The following LRMDA variants were observed in gnomAD, a reference collection of about 807,000 sequenced individuals.
LRMDA encodes the protein leucine-rich melanocyte differentiation-associated protein.
LRMDA carries 18 observed loss-of-function variants against 29.8 expected under a neutral mutation model. The ratio of observed to expected loss-of-function variants is 0.60; its 90% CI spans 0.42 to 0.90. The LOEUF (loss-of-function observed/expected upper bound fraction) is 0.90, where lower values mean the gene tolerates loss of function less well. Ranked by LOEUF, LRMDA falls within the 40% of genes least tolerant of loss-of-function variation. LRMDA has a pLI of 0.00. For missense variants in LRMDA, 273 were observed against 273.9 expected, an observed-to-expected ratio of 1.00 and a Z score of 0.02; for synonymous variants, 125 against 109.4, an observed-to-expected ratio of 1.14 and a Z score of -0.89.
intron 6 of LRMDA, chr10:76,433,818 T>G (rs1376482720): frequency 6.6e-6 from 1 of 152,158 alleles, no homozygotes. Flanking sequence ...AGTGAGCCCA[T>G]CCAAATGCTC....
At chr10:75,678,171 T>C (rs914628185) in intron 2 of LRMDA, among the ~76,000 whole-genome samples, 3 of 152,110 alleles carry the variant, frequency 2.0e-5, no homozygotes, top group African/African-American at 4.8e-5. Context: ...TAGCTAAACA[T>C]ATACATATAC....
At chr10:75,709,765 A>C (rs1164240828) in intron 2 of LRMDA, among the ~76,000 whole-genome samples, 2 of 152,082 alleles carry the variant, frequency 1.3e-5, no homozygotes, top group Non-Finnish European at 2.9e-5. Context: ...AAGGGGCTCA[A>C]GGTAAGAGAT....
At chr10:76,016,239 G>A (rs771063219) in intron 2 of LRMDA, among the ~76,000 whole-genome samples, 1 of 152,104 alleles carries the variant, frequency 6.6e-6, no homozygotes, top group Non-Finnish European at 1.5e-5. Context: ...TCTGATTCAT[G>A]ATGGTGATTC....
intron 6 of LRMDA, among the ~76,000 whole-genome samples, chr10:76,495,779 T>C (rs986332197): frequency 7.9e-5 from 12 of 151,972 alleles, no homozygotes; most frequent in African/African-American, 2.9e-4. Context: ...TTGTAAATGG[T>C]ATTACATTAG....
At chr10:76,528,528 AT>A (rs1266991114) in intron 6 of LRMDA, among the ~76,000 whole-genome samples, 1 of 152,076 alleles carries the variant, frequency 6.6e-6, no homozygotes, top group Admixed American at 6.6e-5. Context: ...TTTACACTTA[AT>A]TTTTTTACAA....
At position 76,415,254 on chromosome 10, in the gene LRMDA, G is replaced by C. The variant is rs557361061; in HGVS notation, c.601+90769G>C. 9.6e-4 allele frequency among the ~76,000 whole-genome samples: 146 copies of C among 152,352 alleles called. 1 individual carries two copies. The highest frequency in any genetic ancestry group is 3.4e-3 in the Middle Eastern group (1 of 294). On this transcript the variant is annotated intron_variant, in intron 6 of 6. Transcript: ENST00000611255. ...GTTCCATTTAAGTTTTACAGTTAAG[G>C]GTTGACATAAAGACATCAGTCCAGA...
At chr10:75,901,878 C>T (rs1845679768) in intron 2 of LRMDA, among the ~76,000 whole-genome samples, 1 of 152,084 alleles carries the variant, frequency 6.6e-6, no homozygotes, top group Admixed American at 6.5e-5. Flanking sequence ...TGGTCTTTTT[C>T]TTCGCTCCCC....
chr10:76,494,431 C>T (rs1283203167), intron 6 of LRMDA, among the ~76,000 whole-genome samples: 1 of 150,786 alleles, frequency 6.6e-6, no homozygotes, highest in Non-Finnish European at 1.5e-5. Context: ...TACAATGTCC[C>T]CTTATTATCC....
intron 5 of LRMDA, among the ~76,000 whole-genome samples, chr10:76,222,776 A>G (rs1851869542): frequency 3.3e-5 from 5 of 152,238 alleles, no homozygotes; most frequent in Admixed American, 2.0e-4. Flanking sequence ...GTATATACCC[A>G]AAGGACTATA....
In LRMDA at chr10:76,214,403, G is replaced by A. The variant is rs568441821; in HGVS notation, c.517-109998G>A. Reference sequence around the variant, plus strand: ...GCCCAGGCCGGACTGCGTCCGCAGTGGCGCAATCTCGGCTCACTGTAAGCT... The same window carrying A: ...GCCCAGGCCGGACTGCGTCCGCAGTAGCGCAATCTCGGCTCACTGTAAGCT... On this transcript the variant is annotated intron_variant, in intron 5 of 6. Coordinates refer to ENST00000611255, the MANE Select transcript of LRMDA (RefSeq NM_001305581.2). 9.2e-5 allele frequency among the ~76,000 whole-genome samples: 13 copies of A among 140,610 alleles called. No homozygotes were observed. In the South Asian group the frequency reaches 2.9e-3, roughly 31 times the overall value. 92.2% of individuals were successfully genotyped at this position (140,610 alleles called of 152,430 possible).
chr10:76,195,484 C>A (rs1473058573), intron 5 of LRMDA, among the ~76,000 whole-genome samples: 1 of 152,114 alleles, frequency 6.6e-6, no homozygotes, highest in Admixed American at 6.6e-5. Context: ...GTGAAAACTG[C>A]TTGGATTGCA....
chr10:75,858,352 A>G (rs1483657912), intron 2 of LRMDA, among the ~76,000 whole-genome samples: 1 of 152,172 alleles, frequency 6.6e-6, no homozygotes, highest in Non-Finnish European at 1.5e-5. Context: ...TCCTTCTGGT[A>G]CCTGTCGCAC....
chr10:76,431,325 A>G (rs1450384492), intron 6 of LRMDA, among the ~76,000 whole-genome samples: 2 of 152,180 alleles, frequency 1.3e-5, no homozygotes, highest in Non-Finnish European at 2.9e-5. Flanking sequence ...GTTGAAAAGC[A>G]ACTTTGCTGA....
chr10:76,132,966 CTTTTTTTTT>C lies in LRMDA; in HGVS notation c.516+74203_516+74211del, dbSNP rs35997711. Among the ~76,000 whole-genome samples the C allele has an allele frequency of 2.4e-3, 136 of 57,392 alleles. 1 individual carries two copies. The highest frequency in any genetic ancestry group is 8.8e-3 in the African/African-American group (127 of 14,502). The allele number at this position is 57,392 out of a possible 152,430, so 37.7% of individuals were successfully genotyped here. On this transcript the variant is annotated intron_variant, in intron 5 of 6. Coordinates refer to ENST00000611255, the MANE Select transcript of LRMDA (RefSeq NM_001305581.2). Reference sequence around the variant, plus strand: ...TACAGGCATCCACCACCACGCCCGGCTTTTTTTTTTTTTTTTTTTTTTTTTTTTGTATTT... The same window carrying C: ...TACAGGCATCCACCACCACGCCCGGCTTTTTTTTTTTTTTTTTTTGTATTT...
At chr10:76,480,168 A>G (rs1842721077) in intron 6 of LRMDA, among the ~76,000 whole-genome samples, 1 of 151,964 alleles carries the variant, frequency 6.6e-6, no homozygotes. Flanking sequence ...CTGCTATTAG[A>G]TGAAACCTGA....
At chr10:76,277,484 C>T (rs1377977016) in intron 5 of LRMDA, among the ~76,000 whole-genome samples, 3 of 152,114 alleles carry the variant, frequency 2.0e-5, no homozygotes, top group Non-Finnish European at 4.4e-5. Context: ...AAGTCTTGTT[C>T]TTACTAAGTT....
At position 76,071,170 on chromosome 10, in the gene LRMDA, G is replaced by A. The variant is rs75455547; in HGVS notation, c.516+12387G>A. Among the ~76,000 whole-genome samples, 1,260 of 152,258 alleles carry A rather than the reference G, an allele frequency of 8.3e-3. 22 individuals carry two copies. The highest frequency in any genetic ancestry group is 0.027 in the African/African-American group (1,110 of 41,550). ...GTTTAGATCCTAGAATTTGTCATTGGAATCAGGCCCCTCTGCCCCCAGAGT... is the reference window on the plus strand; with the variant it reads ...GTTTAGATCCTAGAATTTGTCATTGAAATCAGGCCCCTCTGCCCCCAGAGT... On this transcript the variant is annotated intron_variant, in intron 5 of 6. Transcript: ENST00000611255.
intron 2 of LRMDA, among the ~76,000 whole-genome samples, chr10:75,771,844 A>T (rs1843245544): frequency 6.6e-6 from 1 of 152,136 alleles, no homozygotes; most frequent in Non-Finnish European, 1.5e-5. Flanking sequence ...TTGGGCAAGA[A>T]GCTGAGACTG....
intron 6 of LRMDA, among the ~76,000 whole-genome samples, chr10:76,399,669 C>T (rs1346301982): frequency 1.3e-5 from 2 of 152,198 alleles, no homozygotes; most frequent in Non-Finnish European, 2.9e-5. Context: ...TGGCAACCAG[C>T]CTCTCCTCTG....
Sources: allele counts gnomAD v4.1 joint callset (sites outside exome capture counted in the v4.1 genomes callset), GRCh38; gene constraint gnomAD v4.1.1; transcripts MANE v1.5; gene names NCBI Gene and HGNC (gene_info 2026-07-23, HGNC 2026-07-21).